The following MCTP2 variants were observed in gnomAD, a reference collection of about 807,000 sequenced individuals.
MCTP2 encodes the protein multiple C2 and transmembrane domain containing 2.
MCTP2 carries 132 observed loss-of-function variants against 111.6 expected under a neutral mutation model. The ratio of observed to expected loss-of-function variants is 1.18; its 90% CI spans 1.03 to 1.37. The LOEUF (loss-of-function observed/expected upper bound fraction) is 1.37. Ranked by LOEUF, MCTP2 falls within the 40% of genes most tolerant of loss-of-function variation. The pLI is 0.00. For missense variants in MCTP2, 1,183 were observed against 1,067.9 expected (o/e 1.11, Z -1.50); for synonymous variants, 395 against 387.7 (o/e 1.02, Z -0.22).
At chr15:94,304,482 A>T (rs2075791481) in intron 2 of MCTP2, among the ~76,000 whole-genome samples, 1 of 152,222 alleles carries the variant, frequency 6.6e-6, no homozygotes, top group Admixed American at 6.5e-5. Context: ...TGTTCTTTTG[A>T]TGTAAACAGC....
intron 18 of MCTP2, among the ~76,000 whole-genome samples, chr15:94,442,502 G>A (rs79409203): frequency 0.019 from 2,889 of 152,282 alleles, 94 homozygotes; most frequent in African/African-American, 0.066. Context: ...TATACTGTCT[G>A]ATGTTTCAGT....
At chr15:94,406,634 C>G (rs574958007) in intron 17 of MCTP2, among the ~76,000 whole-genome samples, 11 of 152,298 alleles carry the variant, frequency 7.2e-5, no homozygotes, top group African/African-American at 2.6e-4. Flanking sequence ...AATGCCCAGC[C>G]CCTGGGCATC....
intron 17 of MCTP2, among the ~76,000 whole-genome samples, chr15:94,429,563 G>C (rs2083067267): frequency 6.6e-6 from 1 of 152,082 alleles, no homozygotes; most frequent in African/African-American, 2.4e-5. Context: ...CAAGAATACA[G>C]CCATCTCCTA....
intron 22 of MCTP2, among the ~76,000 whole-genome samples, chr15:94,477,028 G>A (rs2074420801): frequency 6.6e-6 from 1 of 152,182 alleles, no homozygotes; most frequent in African/African-American, 2.4e-5. Context: ...AACTCACACT[G>A]TGTGGCTACT....
At chr15:94,472,393 AAAAAAACG>A (rs1409866944) in intron 21 of MCTP2, among the ~76,000 whole-genome samples, 2 of 152,150 alleles carry the variant, frequency 1.3e-5, no homozygotes, top group Admixed American at 1.3e-4. Context: ...AAAACAAAAC[AAAAAAACG>A]AAAAAGACAA....
chr15:94,476,642 AG>A (rs1244158359), intron 21 of MCTP2, 53 bp from the exon 22 acceptor site: 40 of 895,320 alleles, frequency 4.5e-5, no homozygotes, highest in Non-Finnish European at 6.6e-5. Context: ...ATAGATAGAT[AG>A]ATAGATAGAC....
chr15:94,468,190 G>A (rs2073569751), intron 20 of MCTP2, among the ~76,000 whole-genome samples: 1 of 150,892 alleles, frequency 6.6e-6, no homozygotes, highest in African/African-American at 2.4e-5. Flanking sequence ...AAGCAAAACA[G>A]CTCAGGAGAA....
At chr15:94,420,877 G>A (rs1481486500) in intron 17 of MCTP2, among the ~76,000 whole-genome samples, 1 of 152,156 alleles carries the variant, frequency 6.6e-6, no homozygotes, top group East Asian at 1.9e-4. Context: ...CTATGGGTAA[G>A]ATGCTGTCAA....
intron 9 of MCTP2, among the ~76,000 whole-genome samples, chr15:94,356,583 A>T (rs2078638104): frequency 6.6e-6 from 1 of 152,182 alleles, no homozygotes; most frequent in Non-Finnish European, 1.5e-5. Context: ...AAATAAGCAA[A>T]CTATGTTTCA....
At chr15:94,316,339 G>A (rs2076376960) in intron 4 of MCTP2, among the ~76,000 whole-genome samples, 2 of 152,104 alleles carry the variant, frequency 1.3e-5, no homozygotes, top group South Asian at 4.1e-4. Context: ...AAATGATGCT[G>A]TAATGAACAT....
intron 20 of MCTP2, among the ~76,000 whole-genome samples, chr15:94,463,589 G>A (rs1043108884): frequency 1.3e-5 from 2 of 151,882 alleles, no homozygotes; most frequent in African/African-American, 4.8e-5. Context: ...TTGACTTGCT[G>A]TACTGGCTAT....
intron 1 of MCTP2, among the ~76,000 whole-genome samples, chr15:94,236,107 C>T (rs2070521625): frequency 6.6e-6 from 1 of 152,086 alleles, no homozygotes; most frequent in Admixed American, 6.5e-5. Flanking sequence ...TTAAGGGCTC[C>T]TATGGATTAC....
Position 94,244,681 on chromosome 15 carries a change from TA to T in MCTP2, c.-66+13018del, listed in dbSNP as rs1056789497. Among the ~76,000 whole-genome samples the T allele has an allele frequency of 6.7e-5, 10 of 148,790 alleles. 1 individual carries two copies. Among genetic ancestry groups the T allele is most frequent in the African/African-American group, 2.5e-4 (10 of 39,930 alleles). On this transcript the variant is annotated intron_variant, in intron 1 of 22. Coordinates refer to ENST00000357742, the MANE Select transcript of MCTP2 (RefSeq NM_001385001.1). ...ATACACATACATATCCACCTATGTT[TA>T]TATACGTATATGTATACACATACAT... is the stretch of plus-strand genomic sequence containing the variant.
intron 17 of MCTP2, among the ~76,000 whole-genome samples, chr15:94,423,540 C>T (rs183964984): frequency 5.8e-4 from 88 of 152,236 alleles, no homozygotes; most frequent in African/African-American, 1.9e-3. Flanking sequence ...GATTTTATGT[C>T]GTTATTTAAA....
intron 8 of MCTP2, among the ~76,000 whole-genome samples, chr15:94,349,714 G>A (rs964731095): frequency 2.0e-5 from 3 of 151,894 alleles, no homozygotes; most frequent in African/African-American, 7.3e-5. Flanking sequence ...CAGCTACTCT[G>A]GAGGCTGAGG....
At chr15:94,358,248 T>C (rs2078736945) in intron 9 of MCTP2, among the ~76,000 whole-genome samples, 1 of 152,206 alleles carries the variant, frequency 6.6e-6, no homozygotes, top group Non-Finnish European at 1.5e-5. Context: ...ACAGTACTCT[T>C]TGTAACTTGG....
chr15:94,469,710 A>C (rs2073746233), intron 20 of MCTP2, among the ~76,000 whole-genome samples: 1 of 151,922 alleles, frequency 6.6e-6, no homozygotes, highest in Non-Finnish European at 1.5e-5. Flanking sequence ...CTCTACAAAA[A>C]TTTTCAAAAT....
At chr15:94,323,699 A>C (rs982905830) in intron 4 of MCTP2, among the ~76,000 whole-genome samples, 1 of 152,134 alleles carries the variant, frequency 6.6e-6, no homozygotes, top group Non-Finnish European at 1.5e-5. Context: ...TCTTACTCTG[A>C]TGCTGTCAAT....
At chr15:94,391,046 A>C (rs2080936646) in intron 14 of MCTP2, among the ~76,000 whole-genome samples, 1 of 152,036 alleles carries the variant, frequency 6.6e-6, no homozygotes, top group Non-Finnish European at 1.5e-5. Context: ...CTGCATTTTG[A>C]ATCAGATGTG....
Sources: gnomAD v4.1 joint callset for allele counts (sites outside exome capture counted in the v4.1 genomes callset) on GRCh38, gnomAD v4.1.1 for gene constraint, MANE v1.5 for transcripts, NCBI Gene and HGNC (gene_info 2026-07-23, HGNC 2026-07-21) for gene names.